Variants in ECT2L observed in about 807,000 individuals in gnomAD.
The protein encoded by ECT2L is epithelial cell-transforming sequence 2 oncogene-like.
ECT2L carries 126 observed loss-of-function variants against 122.8 expected under a neutral mutation model. The ratio of observed to expected loss-of-function variants is 1.03; its 90% CI spans 0.89 to 1.19. The LOEUF is 1.19. Among genes scored for constraint, ECT2L ranks in the 50% most tolerant of loss-of-function variants. The pLI is 0.00. For missense variants in ECT2L, 1,012 were observed against 1,064.1 expected (o/e 0.95, Z 0.68); for synonymous variants, 385 against 381.8 (o/e 1.01, Z -0.10).
intron 20 of ECT2L, among the ~76,000 whole-genome samples, chr6:138,891,318 G>A (rs1262555862): frequency 2.0e-5 from 3 of 152,066 alleles, no homozygotes; most frequent in Admixed American, 2.0e-4. Context: ...TCTCTTTTGG[G>A]GAAAATCTCC....
chr6:138,844,356 C>T (rs1303278028), intron 6 of ECT2L, 56 bp from the exon 7 acceptor site: 3 of 1,583,816 alleles, frequency 1.9e-6, no homozygotes, highest in African/African-American at 1.3e-5. Flanking sequence ...TCTGTGTGGA[C>T]TTGGCTGGGA....
chr6:138,824,541 TAA>T (rs147704560), intron 4 of ECT2L, among the ~76,000 whole-genome samples: 3,790 of 121,288 alleles, frequency 0.031, 151 homozygotes, highest in African/African-American at 0.076. Flanking sequence ...AAAAAAGCAA[TAA>T]AAAAAAAAAA....
chr6:138,804,609 A>T (rs1348358557), intron 1 of ECT2L, among the ~76,000 whole-genome samples: 1 of 152,064 alleles, frequency 6.6e-6, no homozygotes, highest in African/African-American at 2.4e-5. Context: ...ACACACACAC[A>T]CAATATTTCT....
intron 1 of ECT2L, among the ~76,000 whole-genome samples, chr6:138,806,511 C>CTTTTTTTTTT (rs57786220): frequency 0.012 from 1,086 of 89,590 alleles, 89 homozygotes; most frequent in African/African-American, 0.016. Context: ...AAAATTCACG[C>CTTTTTTTTTT]TTTTTTTTTT....
intron 4 of ECT2L, among the ~76,000 whole-genome samples, chr6:138,826,376 T>C (rs1776452064): frequency 6.6e-6 from 1 of 152,142 alleles, no homozygotes; most frequent in African/African-American, 2.4e-5. Context: ...TTTGGGAAAA[T>C]TCAAGTTTAA....
chr6:138,901,105 A>G lies in ECT2L; in HGVS notation c.2572A>G (p.Ile858Val), dbSNP rs1281232478. Residue 858 changes from isoleucine (I) to valine (V), a missense_variant, in exon 21 of 22, where the codon ATT becomes GTT. Coordinates refer to ENST00000541398, the MANE Select transcript of ECT2L (RefSeq NM_001077706.3). ...VALHRLLIEN[I>V]PDSKYVKNAF... ...CCTTCATCGGTTACTCATAGAAAAT[A>G]TTCCAGATTCCAAGTGTATGTATTC... 4 of 1,614,060 alleles carry G rather than the reference A, an allele frequency of 2.5e-6. No homozygotes were observed. The Admixed American group carries it at 5.0e-5, about 20-fold the overall frequency.
chr6:138,861,210 C>T (rs1448043215), intron 10 of ECT2L, among the ~76,000 whole-genome samples: 1 of 152,038 alleles, frequency 6.6e-6, no homozygotes, highest in Non-Finnish European at 1.5e-5. Context: ...TGTCTTTATA[C>T]TAGAATGATT....
intron 4 of ECT2L, among the ~76,000 whole-genome samples, chr6:138,826,277 T>TC (rs753169791): frequency 6.6e-6 from 1 of 151,578 alleles, no homozygotes; most frequent in Non-Finnish European, 1.5e-5. Flanking sequence ...CTTTTAAATT[T>TC]CCCCCCAACA....
chr6:138,889,708 T>C (rs1048723293), intron 20 of ECT2L, among the ~76,000 whole-genome samples: 2 of 152,246 alleles, frequency 1.3e-5, no homozygotes, highest in Non-Finnish European at 2.9e-5. Flanking sequence ...CAATTTATTA[T>C]CCTCAGATAG....
chr6:138,890,921 A>G (rs1303995893), intron 20 of ECT2L, among the ~76,000 whole-genome samples: 1 of 152,160 alleles, frequency 6.6e-6, no homozygotes, highest in Non-Finnish European at 1.5e-5. Flanking sequence ...AGAGAAGTCC[A>G]GTGTAATTTT....
At chr6:138,817,046 A>G (rs1312428277) in intron 4 of ECT2L, among the ~76,000 whole-genome samples, 1 of 152,210 alleles carries the variant, frequency 6.6e-6, no homozygotes, top group Non-Finnish European at 1.5e-5. Context: ...ATGGAATTAG[A>G]CAGTATGTGG....
intron 1 of ECT2L, among the ~76,000 whole-genome samples, chr6:138,798,192 G>A (rs1353842447): frequency 2.0e-5 from 3 of 152,130 alleles, no homozygotes; most frequent in Non-Finnish European, 4.4e-5. Flanking sequence ...TTTAATGGAG[G>A]ATTCATTCAT....
At chr6:138,841,906 A>G (rs1002902933) in intron 5 of ECT2L, among the ~76,000 whole-genome samples, 4 of 152,220 alleles carry the variant, frequency 2.6e-5, no homozygotes, top group Non-Finnish European at 4.4e-5. Context: ...GCAATATCGT[A>G]CGCTTCAGTC....
At chr6:138,824,558 T>TAAA (rs748380178) in intron 4 of ECT2L, among the ~76,000 whole-genome samples, 22 of 131,740 alleles carry the variant, frequency 1.7e-4, no homozygotes, top group Admixed American at 2.4e-4. Context: ...AAAAAAACTA[T>TAAA]AAAAAAAAAC....
In ECT2L at chr6:138,880,955, A is replaced by T. The variant is rs780048203; in HGVS notation, c.1666-2A>T. On this transcript the variant is annotated splice_acceptor_variant, in intron 14 of 21. Coordinates refer to ENST00000541398, the MANE Select transcript of ECT2L (RefSeq NM_001077706.3). LOFTEE classifies it high-confidence loss of function. The stretch of plus-strand genomic sequence containing the variant: ...ACTTGAGTTCTTAACACTTCTCTAC[A>T]GGAGAGAATACTCCAGAAGGACTCA... The T allele has an allele frequency of 1.9e-6, 3 of 1,612,400 alleles. No individual in the cohort carries two copies. In the African/African-American group the frequency reaches 4.0e-5, roughly 22 times the overall value.
chr6:138,814,949 A>G (rs189655744), intron 4 of ECT2L, among the ~76,000 whole-genome samples: 2 of 152,356 alleles, frequency 1.3e-5, no homozygotes, highest in East Asian at 3.9e-4. Flanking sequence ...GGACATAGGT[A>G]GGCATAATCA....
rs147880015 is a variant in ECT2L at position 138,860,161 on chromosome 6, A to G, written c.1199-2466A>G. On this transcript the variant is annotated intron_variant, in intron 10 of 21. Coordinates refer to ENST00000541398, the MANE Select transcript of ECT2L (RefSeq NM_001077706.3). ...TCTGAGTTTCGATGACATCAAATAT[A>G]TCAAATGCTCTTGTATAGATCATCT... Among the ~76,000 whole-genome samples, 79 of 152,310 alleles carry G rather than the reference A, an allele frequency of 5.2e-4. No individual in the cohort carries two copies. The East Asian group carries it at 0.013, about 24-fold the overall frequency.
At chr6:138,861,641 G>T (rs949468407) in intron 10 of ECT2L, among the ~76,000 whole-genome samples, 1 of 152,000 alleles carries the variant, frequency 6.6e-6, no homozygotes. Flanking sequence ...TTGTCAGATG[G>T]ATAGATTGCA....
intron 19 of ECT2L, 93 bp from the exon 20 acceptor site, chr6:138,888,850 C>G (rs1056564940): frequency 8.1e-5 from 36 of 444,922 alleles, no homozygotes; most frequent in African/African-American, 6.9e-4. Flanking sequence ...TTTTAGTTAA[C>G]ATTTGCATAT....
Sources: gnomAD v4.1 joint callset for allele counts (sites outside exome capture counted in the v4.1 genomes callset) on GRCh38, gnomAD v4.1.1 for gene constraint, MANE v1.5 for transcripts, NCBI Gene and HGNC (gene_info 2026-07-23, HGNC 2026-07-21) for gene names.